TMEM182: variants seen among roughly 807,000 people sequenced by gnomAD.
TMEM182 encodes transmembrane protein 182.
In TMEM182, 20 loss-of-function variants were observed where a neutral mutation model predicts 26.8. The ratio of observed to expected loss-of-function variants is 0.75; its 90% CI spans 0.53 to 1.09. The LOEUF is 1.09. Ranked by LOEUF, TMEM182 falls within the 50% of genes least tolerant of loss-of-function variation. The probability of loss-of-function intolerance (pLI) is 0.00; values close to 1 mark genes in which losing one functional copy is unlikely to be tolerated. For synonymous variants in TMEM182, 109 were observed against 102.2 expected, an observed-to-expected ratio of 1.07 and a Z score of -0.40; for missense variants, 277 against 275.5, an observed-to-expected ratio of 1.01 and a Z score of -0.04.
chr2:102,820,135 T>A (rs1223912791), downstream of TMEM182, among the ~76,000 whole-genome samples: 1 of 152,208 alleles, frequency 6.6e-6, no homozygotes, highest in Non-Finnish European at 1.5e-5. Context: ...CCCTGTCAGC[T>A]CCTTATTTGG....
intron 1 of TMEM182, among the ~76,000 whole-genome samples, chr2:102,749,935 G>A (rs1679828648): frequency 1.3e-5 from 2 of 151,772 alleles, no homozygotes; most frequent in African/African-American, 4.8e-5. Flanking sequence ...AATGTTTCTG[G>A]TGATTACGTC....
chr2:102,777,993 T>C (rs1019761377), intron 3 of TMEM182, among the ~76,000 whole-genome samples: 1 of 152,042 alleles, frequency 6.6e-6, no homozygotes, highest in Non-Finnish European at 1.5e-5. Context: ...AGTTTTATTG[T>C]ATTCTATAAA....
At chr2:102,738,034 A>G (rs1679412034) in intron 1 of TMEM182, among the ~76,000 whole-genome samples, 2 of 152,168 alleles carry the variant, frequency 1.3e-5, no homozygotes, top group Non-Finnish European at 2.9e-5. Flanking sequence ...TCCAGGTGAA[A>G]CTGTCAATCG....
chr2:102,747,500 C>T (rs1476309238), intron 1 of TMEM182, among the ~76,000 whole-genome samples: 1 of 152,132 alleles, frequency 6.6e-6, no homozygotes, highest in African/African-American at 2.4e-5. Flanking sequence ...ATACTGACAT[C>T]CAAATTGTTG....
intron 1 of TMEM182, among the ~76,000 whole-genome samples, chr2:102,748,840 A>G (rs10490200): frequency 0.011 from 1,607 of 152,302 alleles, 34 homozygotes; most frequent in African/African-American, 0.037. Flanking sequence ...TTACTCTTTC[A>G]TTAAGATTGA....
chr2:102,740,891 A>C (rs374302773), intron 1 of TMEM182, among the ~76,000 whole-genome samples: 1 of 152,242 alleles, frequency 6.6e-6, no homozygotes, highest in African/African-American at 2.4e-5. Context: ...AAAAATAATG[A>C]ACTCTCAATT....
chr2:102,822,459 A>G (rs1283935888), downstream of TMEM182, among the ~76,000 whole-genome samples: 1 of 152,222 alleles, frequency 6.6e-6, no homozygotes. Context: ...ACAAGGAAAA[A>G]AGGTGATCTT....
downstream of TMEM182, among the ~76,000 whole-genome samples, chr2:102,821,802 C>A (rs1210472541): frequency 6.6e-6 from 1 of 152,006 alleles, no homozygotes; most frequent in African/African-American, 2.4e-5. Context: ...CCCTGGCTAA[C>A]ATGGTGAAAT....
At chr2:102,764,489 G>C (rs564561775) in intron 3 of TMEM182, 62 bp downstream of exon 3, 2 of 1,399,680 alleles carry the variant, frequency 1.4e-6, no homozygotes, top group East Asian at 4.7e-5. Flanking sequence ...AGGATGCCCA[G>C]ATCAAAATTG....
At chr2:102,777,153 A>G (rs1191750751) in intron 3 of TMEM182, among the ~76,000 whole-genome samples, 2 of 152,122 alleles carry the variant, frequency 1.3e-5, no homozygotes, top group Non-Finnish European at 2.9e-5. Context: ...AAATTTTAAT[A>G]AAGTCCAATT....
intron 3 of TMEM182, among the ~76,000 whole-genome samples, chr2:102,773,049 C>T (rs529098052): frequency 5.3e-5 from 8 of 152,116 alleles, no homozygotes; most frequent in African/African-American, 1.4e-4. Flanking sequence ...TCACTGTCAT[C>T]CTAGTACATG....
chr2:102,779,932 G>A (rs1410516198), intron 3 of TMEM182, among the ~76,000 whole-genome samples: 2 of 152,204 alleles, frequency 1.3e-5, no homozygotes, highest in Non-Finnish European at 2.9e-5. Context: ...GAACCCAGGA[G>A]GCGGAGGTTG....
intron 3 of TMEM182, among the ~76,000 whole-genome samples, chr2:102,780,669 T>C (rs961722182): frequency 1.3e-5 from 2 of 152,064 alleles, no homozygotes; most frequent in African/African-American, 4.8e-5. Context: ...GGGATGAAAG[T>C]CCAGGCTCCT....
At chr2:102,739,448 G>A (rs976328682) in intron 1 of TMEM182, among the ~76,000 whole-genome samples, 9 of 152,208 alleles carry the variant, frequency 5.9e-5, no homozygotes, top group African/African-American at 2.2e-4. Context: ...CAGTGTTGGA[G>A]GTGGGGCCTG....
At chr2:102,741,510 G>C (rs1327049644) in intron 1 of TMEM182, among the ~76,000 whole-genome samples, 2 of 152,062 alleles carry the variant, frequency 1.3e-5, no homozygotes, top group East Asian at 3.9e-4. Flanking sequence ...AACCATGTGA[G>C]GGAAACTACT....
chr2:102,785,941 T>G (rs1681370639), intron 3 of TMEM182, among the ~76,000 whole-genome samples: 1 of 152,154 alleles, frequency 6.6e-6, no homozygotes, highest in Non-Finnish European at 1.5e-5. Flanking sequence ...GCAAGCAGAT[T>G]CCAATTTAGT....
At chr2:102,780,206 C>T (rs1040315017) in intron 3 of TMEM182, among the ~76,000 whole-genome samples, 2 of 151,990 alleles carry the variant, frequency 1.3e-5, no homozygotes, top group East Asian at 3.8e-4. Flanking sequence ...TTTATTGAAG[C>T]CTGAACTTTC....
chr2:102,802,252 G>A (rs985235299), intron 4 of TMEM182, among the ~76,000 whole-genome samples: 14 of 152,222 alleles, frequency 9.2e-5, no homozygotes, highest in Non-Finnish European at 1.3e-4. Flanking sequence ...TAGACATTCC[G>A]TGCATGGCAG....
At chr2:102,745,603 C>A (rs796102457) in intron 1 of TMEM182, among the ~76,000 whole-genome samples, 1 of 152,084 alleles carries the variant, frequency 6.6e-6, no homozygotes, top group East Asian at 1.9e-4. Context: ...CCCTGCCCCC[C>A]AAAATACCTA....
Sources: gnomAD v4.1 joint callset for allele counts (sites outside exome capture counted in the v4.1 genomes callset) on GRCh38, gnomAD v4.1.1 for gene constraint, MANE v1.5 for transcripts, NCBI Gene and HGNC (gene_info 2026-07-23, HGNC 2026-07-21) for gene names.